Variants in SLC13A1 observed in about 807,000 individuals in gnomAD.
The protein encoded by SLC13A1 is Na(+)/sulfate cotransporter.
A neutral mutation model predicts 70.0 loss-of-function variants in SLC13A1; 65 were observed. The ratio of observed to expected loss-of-function variants is 0.93; its 90% CI spans 0.76 to 1.14. The LOEUF (loss-of-function observed/expected upper bound fraction) is 1.14, where lower values mean the gene tolerates loss of function less well. SLC13A1 is among the 50% of genes most tolerant of loss of function. The pLI is 0.00. For missense variants in SLC13A1, 726 were observed against 717.8 expected (o/e 1.01, Z -0.13); for synonymous variants, 275 against 250.5 (o/e 1.10, Z -0.92).
chr7:123,147,312 T>C lies in SLC13A1; in HGVS notation c.661-2A>G. The C allele has an allele frequency of 1.2e-6, 2 of 1,612,974 alleles. No individual in the cohort carries two copies. The highest frequency in any genetic ancestry group is 8.5e-7 in the Non-Finnish European group (1 of 1,179,526). ...ATATTTGGTTCTCATGCCTGAGTTCTGTTCAACAACAACAAAAAACTACCA... is the reference window on the plus strand; with the variant it reads ...ATATTTGGTTCTCATGCCTGAGTTCCGTTCAACAACAACAAAAAACTACCA... On this transcript the variant is annotated splice_acceptor_variant, in intron 6 of 14. Transcript: ENST00000194130. LOFTEE classifies it high-confidence loss of function.
In SLC13A1 at chr7:123,171,814, T is replaced by C. The variant is rs745660445; in HGVS notation, c.319A>G (p.Arg107Gly). ...TSIEKWNLHKRIALKMVMMVG... is the reference protein window; with the variant it reads ...TSIEKWNLHKGIALKMVMMVG... The stretch of plus-strand genomic sequence containing the variant: ...ATCATCACCATTTTCAGAGCAATTC[T>C]CTTGTGCAAATTCCATTTTTCTATG... The change falls in exon 3 of 15, where the codon AGA (arginine) becomes GGA (glycine). Residue 107 changes from arginine (R) to glycine (G), a missense_variant. By Grantham distance (125) the Arg-to-Gly change is moderately radical. Transcript: ENST00000194130. 3.7e-6 allele frequency: 6 copies of C among 1,613,990 alleles called. No individual in the cohort carries two copies. The highest frequency in any genetic ancestry group is 5.1e-6 in the Non-Finnish European group (6 of 1,179,904).
At chr7:123,168,597 T>G in intron 4 of SLC13A1, 36 bp from the exon 5 acceptor site, 1 of 1,492,286 alleles carries the variant, frequency 6.7e-7, no homozygotes, top group Non-Finnish European at 9.3e-7. Flanking sequence ...ACAATTTAAA[T>G]AAGGGATTAT....
chr7:123,195,640 T>C (rs1796153823), intron 1 of SLC13A1, among the ~76,000 whole-genome samples: 1 of 151,946 alleles, frequency 6.6e-6, no homozygotes, highest in South Asian at 2.1e-4. Context: ...ATCATTTTAT[T>C]TATTATTATT....
chr7:123,169,831 A>G (rs1481126427), intron 3 of SLC13A1, among the ~76,000 whole-genome samples: 1 of 152,322 alleles, frequency 6.6e-6, no homozygotes, highest in African/African-American at 2.4e-5. Context: ...TAATATTTAT[A>G]AAGCCTCTTT....
chr7:123,158,311 A>G (rs1585348796), intron 6 of SLC13A1, among the ~76,000 whole-genome samples: 1 of 152,040 alleles, frequency 6.6e-6, no homozygotes, highest in African/African-American at 2.4e-5. Context: ...GGCAAATCTT[A>G]AGACAAATAG....
chr7:123,168,425 G>GA lies in SLC13A1; in HGVS notation c.612-4dup. 2 of 1,591,822 alleles carry GA rather than the reference G, an allele frequency of 1.3e-6. No individual in the cohort carries two copies. Among genetic ancestry groups the GA allele is most frequent in the South Asian group, 2.3e-5 (2 of 88,592 alleles). ...TTTTCCCTGTATCATTATTGTATCTGAAAAATACATTGATCCAGTTATAAT... is the reference window on the plus strand; with the variant it reads ...TTTTCCCTGTATCATTATTGTATCTGAAAAAATACATTGATCCAGTTATAAT... On this transcript the variant is annotated splice_region_variant and splice_polypyrimidine_tract_variant and intron_variant, in intron 5 of 14. Coordinates refer to ENST00000194130, the MANE Select transcript of SLC13A1 (RefSeq NM_022444.4).
At position 123,119,204 on chromosome 7, in the gene SLC13A1, A is replaced by C; in HGVS notation, c.1389T>G (p.Ser463=). 1 of 1,610,614 alleles carries C rather than the reference A, an allele frequency of 6.2e-7. No individual in the cohort carries two copies. The highest frequency in any genetic ancestry group is 1.1e-5 in the South Asian group (1 of 90,668). The change falls in exon 13 of 15, where the codon TCT becomes TCG. Residue 463 remains serine, a synonymous_variant. Transcript: ENST00000194130. ...GLSKWIGNKL[S]PLGSLPAWLI... ...GCCATGCTGGTAATGAACCCAGAGG[A>C]GATAATTTATTTCCTATCCACTTAG... is the stretch of plus-strand genomic sequence containing the variant.
intron 1 of SLC13A1, among the ~76,000 whole-genome samples, chr7:123,181,495 A>C (rs1282440066): frequency 1.3e-5 from 2 of 152,142 alleles, no homozygotes; most frequent in African/African-American, 4.8e-5. Flanking sequence ...GGGGCAGGAT[A>C]CCTGCCTTTT....
intron 1 of SLC13A1, among the ~76,000 whole-genome samples, chr7:123,189,925 T>A (rs1226793587): frequency 1.3e-5 from 2 of 152,034 alleles, no homozygotes; most frequent in African/African-American, 2.4e-5. Context: ...AGAGCTCATC[T>A]TTTTTAAAAA....
At chr7:123,188,066 A>G (rs1227681503) in intron 1 of SLC13A1, among the ~76,000 whole-genome samples, 1 of 152,154 alleles carries the variant, frequency 6.6e-6, no homozygotes, top group Non-Finnish European at 1.5e-5. Flanking sequence ...TGTAATCTCC[A>G]TGCTACCCAG....
intron 7 of SLC13A1, among the ~76,000 whole-genome samples, chr7:123,137,175 T>C (rs528111307): frequency 5.0e-4 from 75 of 149,718 alleles, no homozygotes; most frequent in Non-Finnish European, 8.5e-4. Flanking sequence ...TTCTCAGGAT[T>C]GAAGGCAACA....
intron 7 of SLC13A1, among the ~76,000 whole-genome samples, chr7:123,144,129 C>CTGTTTTGGG (rs1794261849): frequency 6.6e-6 from 1 of 152,064 alleles, no homozygotes; most frequent in East Asian, 1.9e-4. Flanking sequence ...GGTGGCAGAT[C>CTGTTTTGGG]AAGCATGCTG....
chr7:123,176,785 G>C (rs918839933), intron 2 of SLC13A1, among the ~76,000 whole-genome samples: 1 of 152,034 alleles, frequency 6.6e-6, no homozygotes, highest in Non-Finnish European at 1.5e-5. Context: ...ACACCCTCCT[G>C]GTTCTCCTCC....
intron 1 of SLC13A1, among the ~76,000 whole-genome samples, chr7:123,188,292 C>T (rs1041739281): frequency 9.9e-5 from 15 of 152,168 alleles, no homozygotes; most frequent in African/African-American, 2.7e-4. Context: ...CTCCCAGTCA[C>T]GCTGAGTCAA....
intron 6 of SLC13A1, among the ~76,000 whole-genome samples, chr7:123,153,762 AG>A (rs1794632508): frequency 1.3e-5 from 2 of 152,240 alleles, no homozygotes; most frequent in Non-Finnish European, 2.9e-5. Flanking sequence ...TGAATGGAAA[AG>A]TACTTGTGTT....
chr7:123,132,729 T>G (rs1793809323), intron 8 of SLC13A1, among the ~76,000 whole-genome samples: 1 of 152,340 alleles, frequency 6.6e-6, no homozygotes, highest in East Asian at 1.9e-4. Context: ...TTGAAATTAT[T>G]TAAATAAAAC....
At chr7:123,157,712 A>G (rs1794758764) in intron 6 of SLC13A1, among the ~76,000 whole-genome samples, 1 of 152,166 alleles carries the variant, frequency 6.6e-6, no homozygotes. Context: ...ATGCTAAATG[A>G]GATGCTATTT....
rs570166053 is a variant in SLC13A1, at chr7:123,180,505, C to A, written c.228+468G>T. Among the ~76,000 whole-genome samples, 435 of 152,176 alleles carry A rather than the reference C, an allele frequency of 2.9e-3. 4 individuals carry two copies. Among genetic ancestry groups the A allele is most frequent in the African/African-American group, 9.5e-3 (395 of 41,536 alleles). ...AAACACCTCTTAGCATGAATAAACT[C>A]CTCTCAGCAAGAACAAAATGGAGCT... On this transcript the variant is annotated intron_variant, in intron 2 of 14. Coordinates refer to ENST00000194130, the MANE Select transcript of SLC13A1 (RefSeq NM_022444.4).
At chr7:123,135,031 T>C (rs553791518) in intron 7 of SLC13A1, among the ~76,000 whole-genome samples, 2 of 152,272 alleles carry the variant, frequency 1.3e-5, no homozygotes, top group African/African-American at 4.8e-5. Flanking sequence ...GCCTAGGTCA[T>C]CTCCCATGGC....
Sources: allele counts gnomAD v4.1 joint callset (sites outside exome capture counted in the v4.1 genomes callset), GRCh38; gene constraint gnomAD v4.1.1; transcripts MANE v1.5; gene names NCBI Gene and HGNC (gene_info 2026-07-23, HGNC 2026-07-21).